The following ADGRL2 variants were observed in gnomAD, a reference collection of about 807,000 sequenced individuals.
ADGRL2 encodes calcium-independent alpha-latrotoxin receptor 2.
In ADGRL2, 44 loss-of-function variants were observed where a neutral mutation model predicts 157.4. The ratio of observed to expected loss-of-function variants is 0.28; its 90% CI spans 0.22 to 0.36. The LOEUF is 0.36. Among genes scored for constraint, ADGRL2 ranks in the 10% least tolerant of loss-of-function variants. The pLI is 1.00. For synonymous variants in ADGRL2, 585 were observed against 624.7 expected, an observed-to-expected ratio of 0.94 and a Z score of 0.95; for missense variants, 1,510 against 1,768.9, an observed-to-expected ratio of 0.85 and a Z score of 2.63.
chr1:81,373,626 A>C lies in ADGRL2; in HGVS notation c.-302+67117A>C, dbSNP rs1272250999. 1.8e-4 allele frequency among the ~76,000 whole-genome samples: 28 copies of C among 152,208 alleles called. 1 individual carries two copies. The highest frequency in any genetic ancestry group is 1.8e-3 in the Admixed American group (28 of 15,284). ...AACAGCCTCACTTCTCTTGTAAAAC[A>C]TGGAAAAAAATAAGTTCAATGTCTA... On this transcript the variant is annotated intron_variant, in intron 1 of 24. Coordinates refer to the ADGRL2 transcript ENST00000370721.
At chr1:81,830,990 G>T (rs919640539) in intron 1 of ADGRL2, among the ~76,000 whole-genome samples, 1 of 152,096 alleles carries the variant, frequency 6.6e-6, no homozygotes, top group Non-Finnish European at 1.5e-5. Flanking sequence ...TCGGGGAATG[G>T]CCAGTAACGG....
intron 2 of ADGRL2, among the ~76,000 whole-genome samples, chr1:81,858,985 T>G: frequency 6.6e-6 from 1 of 152,188 alleles, no homozygotes; most frequent in East Asian, 1.9e-4. Context: ...GTTGACTGAG[T>G]AAATGTAATT....
chr1:81,480,821 C>A (rs1176330087), intron 2 of ADGRL2, among the ~76,000 whole-genome samples: 1 of 152,222 alleles, frequency 6.6e-6, no homozygotes, highest in East Asian at 1.9e-4. Context: ...GGAATTTACC[C>A]CACTCAGCAC....
intron 3 of ADGRL2, among the ~76,000 whole-genome samples, chr1:81,693,237 C>T (rs1473388063): frequency 6.6e-6 from 1 of 152,110 alleles, no homozygotes; most frequent in Non-Finnish European, 1.5e-5. Flanking sequence ...TTGTGCTTTT[C>T]ATCCAGTCTA....
At chr1:81,486,282 T>C (rs2147916258) in intron 2 of ADGRL2, among the ~76,000 whole-genome samples, 1 of 152,318 alleles carries the variant, frequency 6.6e-6, no homozygotes, top group South Asian at 2.1e-4. Context: ...CCCACTCGAC[T>C]ATAAGCTCCT....
intron 2 of ADGRL2, among the ~76,000 whole-genome samples, chr1:81,494,835 A>G (rs2078700448): frequency 6.6e-6 from 1 of 152,164 alleles, no homozygotes; most frequent in East Asian, 1.9e-4. Flanking sequence ...AGAAGTATTC[A>G]GAGCTGACAC....
intron 2 of ADGRL2, among the ~76,000 whole-genome samples, chr1:81,843,910 C>A (rs573780094): frequency 1.3e-5 from 2 of 152,002 alleles, no homozygotes; most frequent in African/African-American, 4.8e-5. Context: ...TCTTTTGCCT[C>A]TTTTTCATTT....
At chr1:81,746,068 C>T (rs17459209) in intron 1 of ADGRL2, among the ~76,000 whole-genome samples, 20,030 of 151,910 alleles carry the variant, frequency 0.13, 1,474 homozygotes, top group Non-Finnish European at 0.17. Context: ...TAACAGGAAC[C>T]TTCAGAGATA....
Position 81,970,552 on chromosome 1 carries a change from A to G in ADGRL2, c.2954+18A>G. 1 of 1,585,392 alleles carries G rather than the reference A, an allele frequency of 6.3e-7. No individual in the cohort carries two copies. The highest frequency in any genetic ancestry group is 1.3e-5 in the African/African-American group (1 of 74,150). On this transcript the variant is annotated intron_variant, in intron 16 of 23. Coordinates refer to ENST00000686636, the MANE Select transcript of ADGRL2 (RefSeq NM_001366006.2). ...GAAAAAGCGTAAGTAATTGCAAGCG[A>G]CCTGAGTGTTTTTCAAGTGAATAAT...
intron 1 of ADGRL2, among the ~76,000 whole-genome samples, chr1:81,391,271 CAGAA>C: frequency 6.6e-6 from 1 of 152,306 alleles, no homozygotes; most frequent in African/African-American, 2.4e-5. Flanking sequence ...ACTTGTGCTA[CAGAA>C]GGCCTAGAGA....
chr1:81,692,201 G>T (rs1236036750), intron 3 of ADGRL2, among the ~76,000 whole-genome samples: 1 of 151,994 alleles, frequency 6.6e-6, no homozygotes, highest in Non-Finnish European at 1.5e-5. Context: ...GAGGTCAGGG[G>T]TTCGAGACCA....
chr1:81,857,617 T>G (rs977533503), intron 2 of ADGRL2, among the ~76,000 whole-genome samples: 3 of 152,206 alleles, frequency 2.0e-5, no homozygotes, highest in Non-Finnish European at 4.4e-5. Flanking sequence ...ACATATCAGC[T>G]TCTTCTCTCA....
intron 1 of ADGRL2, among the ~76,000 whole-genome samples, chr1:81,381,671 T>C (rs190905756): frequency 3.3e-5 from 5 of 152,354 alleles, no homozygotes; most frequent in Non-Finnish European, 7.3e-5. Flanking sequence ...ACTTTTGACA[T>C]AAACATGTTA....
chr1:81,467,395 A>G (rs1351374196), intron 2 of ADGRL2, among the ~76,000 whole-genome samples: 2 of 152,214 alleles, frequency 1.3e-5, no homozygotes. Context: ...TAAAAAAGAC[A>G]GGGAGGAAAA....
chr1:81,306,181 T>G (rs1659329121), exon 1 of ADGRL2: 1 of 152,248 alleles, frequency 6.6e-6, no homozygotes, highest in South Asian at 2.1e-4. Context: ...TCTCTCTCCC[T>G]CTCTTGCGCT....
intron 5 of ADGRL2, 55 bp downstream of exon 5, chr1:81,942,100 A>G (rs986271657): frequency 1.0e-5 from 7 of 695,382 alleles, no homozygotes; most frequent in Non-Finnish European, 1.6e-5. Flanking sequence ...TATGGATGTT[A>G]ACCTCCTCCC....
chr1:81,887,800 A>G (rs887773918), intron 2 of ADGRL2, among the ~76,000 whole-genome samples: 2 of 152,176 alleles, frequency 1.3e-5, no homozygotes, highest in African/African-American at 4.8e-5. Context: ...AATTATTCCT[A>G]ATTGCTATGT....
chr1:81,770,743 G>C (rs2086334343), intron 2 of ADGRL2, among the ~76,000 whole-genome samples: 2 of 152,166 alleles, frequency 1.3e-5, no homozygotes, highest in African/African-American at 4.8e-5. Context: ...AAAAGTGCTG[G>C]GATTACAGGC....
At chr1:81,535,801 T>A (rs1227184085) in intron 2 of ADGRL2, among the ~76,000 whole-genome samples, 1 of 152,190 alleles carries the variant, frequency 6.6e-6, no homozygotes, top group Non-Finnish European at 1.5e-5. Flanking sequence ...CAAAGAACAT[T>A]GAATTAGATA....
Sources: allele counts gnomAD v4.1 joint callset (sites outside exome capture counted in the v4.1 genomes callset), GRCh38; gene constraint gnomAD v4.1.1; transcripts MANE v1.5; gene names NCBI Gene and HGNC (gene_info 2026-07-23, HGNC 2026-07-21).